The following TAS1R1 variants were observed in gnomAD, a reference collection of about 807,000 sequenced individuals.
TAS1R1 encodes taste receptor type 1 member 1.
In TAS1R1, 31 loss-of-function variants were observed where a neutral mutation model predicts 45.8. The ratio of observed to expected loss-of-function variants is 0.68; its 90% CI spans 0.51 to 0.91. The LOEUF is 0.91. TAS1R1 is among the 40% of genes least tolerant of loss of function. The probability of loss-of-function intolerance (pLI) is 0.00; values close to 1 mark genes in which losing one functional copy is unlikely to be tolerated. For synonymous variants in TAS1R1, 437 were observed against 448.4 expected, an observed-to-expected ratio of 0.97 and a Z score of 0.32; for missense variants, 1,051 against 1,063.9, an observed-to-expected ratio of 0.99 and a Z score of 0.17.
In TAS1R1 at chr1:6,570,933, C is replaced by T; in HGVS notation, c.216C>T (p.Gly72=). The stretch of plus-strand genomic sequence containing the variant: ...GGTCTTGTAGCTTCAATGAGCATGG[C>T]TACCACCTCTTCCAGGCTATGCGGC... ...CDRSCSFNEH[G]YHLFQAMRLG... The change falls in exon 2 of 6, where the codon GGC becomes GGT. Residue 72 remains glycine (G), a synonymous_variant. Coordinates refer to ENST00000333172, the MANE Select transcript of TAS1R1 (RefSeq NM_138697.4). 1.2e-6 allele frequency: 2 copies of T among 1,607,360 alleles called. No individual in the cohort carries two copies. The highest frequency in any genetic ancestry group is 1.7e-6 in the Non-Finnish European group (2 of 1,176,636).
At chr1:6,563,950 G>C (rs1006080293) in intron 1 of TAS1R1, among the ~76,000 whole-genome samples, 1 of 152,078 alleles carries the variant, frequency 6.6e-6, no homozygotes, top group Non-Finnish European at 1.5e-5. Context: ...GGCAGGAACA[G>C]GGCATTTGAG....
chr1:6,566,886 G>A (rs1189292735), intron 1 of TAS1R1, among the ~76,000 whole-genome samples: 4 of 152,248 alleles, frequency 2.6e-5, no homozygotes, highest in Non-Finnish European at 4.4e-5. Context: ...TGAGCCACGC[G>A]CCTGGCCTTT....
intron 1 of TAS1R1, 72 bp downstream of exon 1, chr1:6,555,636 C>T: frequency 3.6e-6 from 5 of 1,380,296 alleles, no homozygotes; most frequent in Non-Finnish European, 4.9e-6. Context: ...TGCCATCCTC[C>T]AAACAGGACC....
chr1:6,563,111 G>A (rs542013683), intron 1 of TAS1R1, among the ~76,000 whole-genome samples: 6 of 152,352 alleles, frequency 3.9e-5, no homozygotes, highest in African/African-American at 1.4e-4. Flanking sequence ...CAGCCTGTAT[G>A]TCTGCCATTA....
intron 5 of TAS1R1, among the ~76,000 whole-genome samples, chr1:6,578,076 A>G (rs1557811899): frequency 6.6e-6 from 1 of 152,222 alleles, no homozygotes; most frequent in Non-Finnish European, 1.5e-5. Flanking sequence ...GCGTGTCTGC[A>G]GCAGAGAAAA....
chr1:6,575,093 G>C lies in TAS1R1; in HGVS notation c.961G>C (p.Val321Leu), dbSNP rs778989414. ...GVPGIQRIGM[V>L]LGVAIQKRAV... is the part of the protein sequence containing the mutation. ...GCCCGGGATCCAGCGCATTGGGATG[G>C]TGCTGGGCGTGGCCATCCAGAAGAG... The change falls in exon 3 of 6, where the codon GTG becomes CTG. Residue 321 changes from valine to leucine, a missense_variant. Val to Leu is a conservative substitution (Grantham distance 32). Coordinates refer to ENST00000333172, the MANE Select transcript of TAS1R1 (RefSeq NM_138697.4). 1 of 1,588,782 alleles carries C rather than the reference G, an allele frequency of 6.3e-7. No homozygotes were observed. The highest frequency in any genetic ancestry group is 8.6e-7 in the Non-Finnish European group (1 of 1,167,246).
At chr1:6,565,360 C>T (rs80129059) in intron 1 of TAS1R1, among the ~76,000 whole-genome samples, 3,327 of 152,012 alleles carry the variant, frequency 0.022, 49 homozygotes, top group Non-Finnish European at 0.032. Flanking sequence ...GTGTCTTGAC[C>T]GAATGTTGGG....
intron 2 of TAS1R1, among the ~76,000 whole-genome samples, chr1:6,573,781 G>A (rs1031524528): frequency 2.1e-4 from 32 of 151,818 alleles, no homozygotes; most frequent in Admixed American, 3.3e-4. Context: ...TCCTGCCTCA[G>A]CCTCCCGTGT....
At chr1:6,571,617 C>T (rs946875083) in intron 2 of TAS1R1, among the ~76,000 whole-genome samples, 4 of 152,124 alleles carry the variant, frequency 2.6e-5, no homozygotes, top group Non-Finnish European at 5.9e-5. Context: ...GCCAGGAGTT[C>T]GAGACCAGCC....
In TAS1R1 at chr1:6,555,501, T is replaced by A; in HGVS notation, c.128T>A (p.Leu43Gln). ...CCCGGAGATTACCTCCTGGCAGGCC[T>A]GTTCCCTCTCCATTCTGGCTGTCTG... ...TLPGDYLLAG[L>Q]FPLHSGCLQV... Residue 43 changes from leucine (L) to glutamine (Q), a missense_variant, in exon 1 of 6, where the codon CTG becomes CAG. Leu to Gln is a moderately radical substitution (Grantham distance 113, BLOSUM62 -2). Transcript: ENST00000333172. The A allele has an allele frequency of 6.4e-7, 1 of 1,567,852 alleles. No homozygotes were observed. Among genetic ancestry groups the A allele is most frequent in the Non-Finnish European group, 8.7e-7 (1 of 1,155,850 alleles).
chr1:6,562,496 C>T (rs1639807744), intron 1 of TAS1R1, among the ~76,000 whole-genome samples: 1 of 152,130 alleles, frequency 6.6e-6, no homozygotes, highest in African/African-American at 2.4e-5. Flanking sequence ...ACCCTGGACC[C>T]TGGGCATGTT....
intron 2 of TAS1R1, among the ~76,000 whole-genome samples, chr1:6,573,533 G>C (rs1444238199): frequency 6.6e-6 from 1 of 152,200 alleles, no homozygotes; most frequent in Non-Finnish European, 1.5e-5. Flanking sequence ...GTGGCTTACA[G>C]CAGTGGCCCC....
rs1553186697 is a variant in TAS1R1 at position 6,570,024 on chromosome 1, G to GAGAGAGAGAGAGAGAGAGAGAGA, written c.192-885_192-884insAGAGAGAGAGAGAGAGAGAGAGA. Among the ~76,000 whole-genome samples, 101 of 32,406 alleles carry GAGAGAGAGAGAGAGAGAGAGAGA rather than the reference G, an allele frequency of 3.1e-3. 1 individual carries two copies. Among genetic ancestry groups the GAGAGAGAGAGAGAGAGAGAGAGA allele is most frequent in the Middle Eastern group, 0.02 (1 of 50 alleles). The allele number at this position is 32,406 out of a possible 152,430, so 21.3% of individuals were successfully genotyped here. A position where few individuals can be genotyped will look rare whatever the true frequency, so the allele number is the denominator to read the frequency against. ...GGAGGAGAGAGGGAGGGAGGGAGGG[G>GAGAGAGAGAGAGAGAGAGAGAGA]GAGAGAGAGAGAGAGAGAGAGAGAG... is the stretch of plus-strand genomic sequence containing the variant. On this transcript the variant is annotated intron_variant, in intron 1 of 5. Coordinates refer to ENST00000333172, the MANE Select transcript of TAS1R1 (RefSeq NM_138697.4).
chr1:6,576,493 A>G lies in TAS1R1; in HGVS notation c.1339A>G (p.Ser447Gly). The change falls in exon 4 of 6, where the codon AGT becomes GGT. Residue 447 changes from serine to glycine, a missense_variant. Transcript: ENST00000333172. ...VAFNDNRDPL[S>G]SYNIIAWDWN... Reference sequence around the variant, plus strand: ...GTTTAATGACAACAGAGATCCCCTCAGTAGCTATAACATAATTGCCTGGGA... The same window carrying G: ...GTTTAATGACAACAGAGATCCCCTCGGTAGCTATAACATAATTGCCTGGGA... 1 of 1,614,278 alleles carries G rather than the reference A, an allele frequency of 6.2e-7. No individual in the cohort carries two copies. The highest frequency in any genetic ancestry group is 1.7e-5 in the Admixed American group (1 of 60,032).
At chr1:6,563,132 A>G (rs1299428852) in intron 1 of TAS1R1, among the ~76,000 whole-genome samples, 3 of 152,162 alleles carry the variant, frequency 2.0e-5, no homozygotes, top group Non-Finnish European at 2.9e-5. Flanking sequence ...CAAAATCTTG[A>G]TTGTTTAGTA....
At position 6,578,732 on chromosome 1, in the gene TAS1R1, G is replaced by C; in HGVS notation, c.1674G>C (p.Val558=). The change falls in exon 6 of 6, where the codon GTG becomes GTC. Residue 558 remains valine (V), a synonymous_variant. Coordinates refer to ENST00000333172, the MANE Select transcript of TAS1R1 (RefSeq NM_138697.4). ...AGACCTGCTTCCCGCGCACTGTGGT[G>C]TTTTTGGCTTTGCGTGAGCACACCT... ...GSQTCFPRTV[V]FLALREHTSW... 6.2e-7 allele frequency: 1 copy of C among 1,613,692 alleles called. No homozygotes were observed. The highest frequency in any genetic ancestry group is 8.5e-7 in the Non-Finnish European group (1 of 1,179,768).
At chr1:6,556,898 T>C (rs1639695927) in intron 1 of TAS1R1, among the ~76,000 whole-genome samples, 1 of 150,480 alleles carries the variant, frequency 6.6e-6, no homozygotes, top group African/African-American at 2.5e-5. Flanking sequence ...TAATCCCAGC[T>C]ACTCAGGAGC....
At chr1:6,565,603 C>G (rs141952712) in intron 1 of TAS1R1, among the ~76,000 whole-genome samples, 2 of 151,910 alleles carry the variant, frequency 1.3e-5, no homozygotes, top group Admixed American at 1.3e-4. Flanking sequence ...GTTACAAGGG[C>G]GTTTTTTGTT....
At chr1:6,573,046 C>T (rs1187659991) in intron 2 of TAS1R1, among the ~76,000 whole-genome samples, 2 of 152,204 alleles carry the variant, frequency 1.3e-5, no homozygotes, top group African/African-American at 2.4e-5. Flanking sequence ...GAATTCACAC[C>T]AGCATCACCC....
Sources: allele counts gnomAD v4.1 joint callset (sites outside exome capture counted in the v4.1 genomes callset), GRCh38; gene constraint gnomAD v4.1.1; transcripts MANE v1.5; gene names NCBI Gene and HGNC (gene_info 2026-07-23, HGNC 2026-07-21).